FRMD4B: variants seen among roughly 807,000 people sequenced by gnomAD.
FRMD4B encodes the protein FERM domain-containing protein 4B.
FRMD4B carries 74 observed loss-of-function variants against 141.5 expected under a neutral mutation model. The ratio of observed to expected loss-of-function variants is 0.52; its 90% confidence interval spans 0.43 to 0.63. The LOEUF (loss-of-function observed/expected upper bound fraction) is 0.63. Ranked by LOEUF, FRMD4B falls within the 30% of genes least tolerant of loss-of-function variation. The probability of loss-of-function intolerance (pLI) is 0.00; values close to 1 mark genes in which losing one functional copy is unlikely to be tolerated. For missense variants in FRMD4B, 1,366 were observed against 1,253.4 expected (o/e 1.09, Z -1.36); for synonymous variants, 506 against 467.9 (o/e 1.08, Z -1.05).
intron 7 of FRMD4B, chr3:69,228,672 A>G (rs866463668): frequency 6.0e-6 from 2 of 331,370 alleles, no homozygotes; most frequent in East Asian, 7.6e-5. Flanking sequence ...TTGTTTCTAC[A>G]AGAAATTTTT....
chr3:69,407,616 T>G (rs900038706), intron 2 of FRMD4B, among the ~76,000 whole-genome samples: 1 of 152,232 alleles, frequency 6.6e-6, no homozygotes, highest in Non-Finnish European at 1.5e-5. Flanking sequence ...TGTGATTTTC[T>G]GATCTGATGG....
chr3:69,314,514 C>T lies in FRMD4B; in HGVS notation c.163-997G>A, dbSNP rs531940186. Among the ~76,000 whole-genome samples the T allele has an allele frequency of 2.3e-3, 336 of 144,646 alleles. 1 individual carries two copies. The highest frequency in any genetic ancestry group is 2.1e-3 in the Non-Finnish European group (137 of 66,552). The allele number at this position is 144,646 out of a possible 152,430, so 94.9% of individuals were successfully genotyped here. On this transcript the variant is annotated intron_variant, in intron 1 of 22. Transcript: ENST00000398540. Reference sequence around the variant, plus strand: ...CTACACTACAGTTTGAGTGACACAGCGAGACTCTGTCTCAAAAAAAAAAAA... The same window carrying T: ...CTACACTACAGTTTGAGTGACACAGTGAGACTCTGTCTCAAAAAAAAAAAA...
At chr3:69,317,590 T>C (rs1294372893) in intron 1 of FRMD4B, among the ~76,000 whole-genome samples, 1 of 151,546 alleles carries the variant, frequency 6.6e-6, no homozygotes, top group African/African-American at 2.4e-5. Context: ...TTGTCTCTAC[T>C]AAAAAAATAC....
In FRMD4B at chr3:69,533,906, C is replaced by T. The variant is rs531276848; in HGVS notation, c.-129+8300G>A. On this transcript the variant is annotated intron_variant, in intron 1 of 5. Coordinates refer to the FRMD4B transcript ENST00000459638. ...ACATCTCCTCTTCCTAACATGATTACGCATCTGGGAGACCGGGATTTGCCT... is the reference window on the plus strand; with the variant it reads ...ACATCTCCTCTTCCTAACATGATTATGCATCTGGGAGACCGGGATTTGCCT... Among the ~76,000 whole-genome samples the T allele has an allele frequency of 2.0e-4, 30 of 152,286 alleles. No individual in the cohort carries two copies. In the South Asian group the frequency reaches 5.4e-3, roughly 27 times the overall value.
In FRMD4B at chr3:69,467,178, G is replaced by A. The variant is rs1224687487; in HGVS notation, c.-128-34417C>T. Among the ~76,000 whole-genome samples, 9 of 152,182 alleles carry A rather than the reference G, an allele frequency of 5.9e-5. No homozygotes were observed. In the East Asian group the frequency reaches 1.7e-3, roughly 29 times the overall value. On this transcript the variant is annotated intron_variant, in intron 1 of 5. Coordinates refer to the FRMD4B transcript ENST00000459638. The stretch of plus-strand genomic sequence containing the variant: ...TGGGCTTTGGAGCCAATGAGAAGTG[G>A]AGGTACTGTTTGGGTCTGCAATTTG...
intron 1 of FRMD4B, among the ~76,000 whole-genome samples, chr3:69,517,322 C>T (rs967447964): frequency 1.9e-4 from 29 of 152,062 alleles, no homozygotes; most frequent in African/African-American, 7.0e-4. Flanking sequence ...TCTGTGATGG[C>T]TCGCCCAAAT....
intron 7 of FRMD4B, among the ~76,000 whole-genome samples, chr3:69,246,887 C>T (rs1298089306): frequency 6.6e-6 from 1 of 152,212 alleles, no homozygotes; most frequent in Non-Finnish European, 1.5e-5. Context: ...TGTCCTAGGG[C>T]TCAAATGTTT....
chr3:69,374,720 C>G lies in FRMD4B; in HGVS notation c.162+11108G>C, dbSNP rs113980712. Among the ~76,000 whole-genome samples the G allele has an allele frequency of 5.2e-4, 79 of 152,310 alleles. 2 individuals are homozygous for G. Among genetic ancestry groups the G allele is most frequent in the Middle Eastern group, 6.8e-3 (2 of 294 alleles). The stretch of plus-strand genomic sequence containing the variant: ...GTTTGCTTTTCTAGTATAAACCAGA[C>G]AGTAGCATTAAGAGGCTAGTGCTGC... On this transcript the variant is annotated intron_variant, in intron 1 of 22. Transcript: ENST00000398540.
chr3:69,486,760 T>G (rs1706222532), intron 1 of FRMD4B, among the ~76,000 whole-genome samples: 1 of 152,160 alleles, frequency 6.6e-6, no homozygotes, highest in Non-Finnish European at 1.5e-5. Context: ...ATTAGTTTGG[T>G]TAGAAGAGAA....
chr3:69,303,567 A>C (rs939380562), intron 3 of FRMD4B, among the ~76,000 whole-genome samples: 3 of 152,208 alleles, frequency 2.0e-5, no homozygotes, highest in Non-Finnish European at 4.4e-5. Flanking sequence ...GTTAATATTA[A>C]ATTTTTATGA....
At chr3:69,485,208 G>A (rs797010883) in intron 1 of FRMD4B, among the ~76,000 whole-genome samples, 25 of 152,358 alleles carry the variant, frequency 1.6e-4, no homozygotes, top group African/African-American at 4.8e-4. Context: ...GGCTGTGACA[G>A]TGGCTGGGCT....
chr3:69,396,573 T>C (rs115104105), intron 2 of FRMD4B, among the ~76,000 whole-genome samples: 1,731 of 152,214 alleles, frequency 0.011, 23 homozygotes, highest in African/African-American at 0.039. Context: ...AAGAATTTTG[T>C]CAGCACATGA....
intron 2 of FRMD4B, among the ~76,000 whole-genome samples, chr3:69,427,585 G>A (rs529988617): frequency 1.0e-4 from 15 of 143,970 alleles, no homozygotes; most frequent in East Asian, 4.3e-4. Flanking sequence ...GTTTTTACAC[G>A]TAGCCTTCCC....
At chr3:69,250,281 C>CTGTGTGTGAGTGTG in intron 5 of FRMD4B, 182 bp from the exon 6 acceptor site, 1 of 511,728 alleles carries the variant, frequency 2.0e-6, no homozygotes, top group Admixed American at 3.7e-5. Context: ...GGCGAAACCA[C>CTGTGTGTGAGTGTG]TGTGTGTGCG....
chr3:69,245,664 C>T (rs866138054), intron 7 of FRMD4B, among the ~76,000 whole-genome samples: 2,343 of 102,466 alleles, frequency 0.023, 86 homozygotes, highest in African/African-American at 0.078. Context: ...ATTTTCTTTT[C>T]TTTTTTTTTT....
At chr3:69,429,379 T>C (rs984675693) in intron 2 of FRMD4B, among the ~76,000 whole-genome samples, 6 of 152,322 alleles carry the variant, frequency 3.9e-5, no homozygotes, top group South Asian at 2.1e-4. Flanking sequence ...TCATCAACAG[T>C]ATATGAGAGC....
At chr3:69,299,737 G>A (rs778494178) in intron 4 of FRMD4B, among the ~76,000 whole-genome samples, 2 of 152,054 alleles carry the variant, frequency 1.3e-5, no homozygotes, top group Admixed American at 6.6e-5. Context: ...TGTTTGCACC[G>A]AAAATAACAG....
intron 1 of FRMD4B, among the ~76,000 whole-genome samples, chr3:69,346,063 C>T (rs1702928729): frequency 6.6e-6 from 1 of 151,892 alleles, no homozygotes; most frequent in African/African-American, 2.4e-5. Context: ...GAACCCATCG[C>T]AAAGAAGCTA....
chr3:69,530,580 C>G (rs1204703896), intron 1 of FRMD4B, among the ~76,000 whole-genome samples: 1 of 151,888 alleles, frequency 6.6e-6, no homozygotes, highest in African/African-American at 2.4e-5. Flanking sequence ...AATAAATTAC[C>G]CAGCCTCAGG....
Sources: allele counts gnomAD v4.1 joint callset (sites outside exome capture counted in the v4.1 genomes callset), GRCh38; gene constraint gnomAD v4.1.1; transcripts MANE v1.5; gene names NCBI Gene and HGNC (gene_info 2026-07-23, HGNC 2026-07-21).